Variants in MACROD2 observed in about 807,000 individuals in gnomAD.
MACROD2 encodes the protein ADP-ribose glycohydrolase MACROD2.
A neutral mutation model predicts 70.4 loss-of-function variants in MACROD2; 36 were observed. The ratio of observed to expected loss-of-function variants is 0.51; its 90% CI spans 0.39 to 0.68. The LOEUF (loss-of-function observed/expected upper bound fraction) is 0.68. Ranked by LOEUF, MACROD2 falls within the 30% of genes least tolerant of loss-of-function variation. The probability of loss-of-function intolerance (pLI) is 0.00; values close to 1 mark genes in which losing one functional copy is unlikely to be tolerated. For synonymous variants in MACROD2, 172 were observed against 178.8 expected (o/e 0.96, Z 0.30); for missense variants, 496 against 538.4 (o/e 0.92, Z 0.78).
At chr20:15,159,876 G>A (rs888342975) in intron 5 of MACROD2, among the ~76,000 whole-genome samples, 2 of 152,050 alleles carry the variant, frequency 1.3e-5, no homozygotes, top group African/African-American at 4.8e-5. Context: ...AGCGCAGTGG[G>A]AGAGGTTGGA....
At chr20:14,730,520 C>T (rs2071582442) in intron 5 of MACROD2, among the ~76,000 whole-genome samples, 1 of 152,128 alleles carries the variant, frequency 6.6e-6, no homozygotes, top group South Asian at 2.1e-4. Flanking sequence ...TCAAAATAGA[C>T]TTATAAACCC....
intron 8 of MACROD2, among the ~76,000 whole-genome samples, chr20:15,633,087 C>T (rs2049315300): frequency 6.6e-6 from 1 of 152,164 alleles, no homozygotes; most frequent in African/African-American, 2.4e-5. Flanking sequence ...GACTTAACCA[C>T]CCACCCTCCT....
chr20:14,605,899 T>A (rs536949542), intron 4 of MACROD2, among the ~76,000 whole-genome samples: 12 of 152,272 alleles, frequency 7.9e-5, no homozygotes, highest in African/African-American at 2.9e-4. Context: ...AAATGCAGAT[T>A]ATAATTGTAA....
chr20:15,501,332 G>A (rs2047362317), intron 8 of MACROD2, among the ~76,000 whole-genome samples: 1 of 152,196 alleles, frequency 6.6e-6, no homozygotes, highest in Admixed American at 6.5e-5. Context: ...AGTAATCCAA[G>A]GATATGCCCC....
chr20:14,086,420 G>T (rs980359050), intron 3 of MACROD2, among the ~76,000 whole-genome samples: 2 of 152,198 alleles, frequency 1.3e-5, no homozygotes, highest in African/African-American at 4.8e-5. Flanking sequence ...GTTTTGTAAA[G>T]TTAGGCTGTT....
In MACROD2 at chr20:14,811,761, G is replaced by A. The variant is rs938773571; in HGVS notation, c.418+126802G>A. The stretch of plus-strand genomic sequence containing the variant: ...AAAAAAACAACCCCATCAAAAAGTG[G>A]GCAAAGGATATGAATGGACACTTCT... On this transcript the variant is annotated intron_variant, in intron 5 of 17. Coordinates refer to ENST00000684519, the MANE Select transcript of MACROD2 (RefSeq NM_001351661.2). 1.3e-5 allele frequency among the ~76,000 whole-genome samples: 2 copies of A among 152,028 alleles called. 1 individual carries two copies. Among genetic ancestry groups the A allele is most frequent in the Non-Finnish European group, 2.9e-5 (2 of 67,998 alleles).
chr20:15,600,842 T>C (rs2048810129), intron 8 of MACROD2, among the ~76,000 whole-genome samples: 1 of 152,138 alleles, frequency 6.6e-6, no homozygotes, highest in African/African-American at 2.4e-5. Context: ...CAAAAATATA[T>C]ATATTATTGC....
At chr20:14,597,740 T>C (rs937303362) in intron 4 of MACROD2, among the ~76,000 whole-genome samples, 1 of 152,156 alleles carries the variant, frequency 6.6e-6, no homozygotes, top group Non-Finnish European at 1.5e-5. Flanking sequence ...TCCTTTTCCT[T>C]TTTTTGGTAA....
chr20:15,190,312 C>T (rs6135360), intron 5 of MACROD2, among the ~76,000 whole-genome samples: 63,085 of 151,890 alleles, frequency 0.42, 14,291 homozygotes, highest in East Asian at 0.75. Flanking sequence ...GGTGATAATA[C>T]AGTAGGTGCT....
At chr20:15,868,574 G>A (rs1016884122) in intron 9 of MACROD2, among the ~76,000 whole-genome samples, 1 of 144,510 alleles carries the variant, frequency 6.9e-6, no homozygotes, top group Non-Finnish European at 1.5e-5. Context: ...CCTTAAGCAA[G>A]TTTCATTGCT....
intron 7 of MACROD2, among the ~76,000 whole-genome samples, chr20:15,498,276 A>C (rs1241107513): frequency 6.6e-6 from 1 of 151,798 alleles, no homozygotes; most frequent in African/African-American, 2.4e-5. Flanking sequence ...CCTCTCACTC[A>C]TTTTTTTTCT....
At chr20:14,861,289 G>C (rs1449646653) in intron 5 of MACROD2, among the ~76,000 whole-genome samples, 1 of 152,048 alleles carries the variant, frequency 6.6e-6, no homozygotes, top group Non-Finnish European at 1.5e-5. Context: ...CTCGGAGGAA[G>C]GGCATCCTGC....
chr20:15,123,375 C>T (rs1035226089), intron 5 of MACROD2, among the ~76,000 whole-genome samples: 3 of 152,068 alleles, frequency 2.0e-5, no homozygotes, highest in African/African-American at 4.8e-5. Context: ...TATTTCTAGA[C>T]CTATTATGTT....
chr20:15,161,242 T>C (rs1367910389), intron 5 of MACROD2, among the ~76,000 whole-genome samples: 2 of 151,810 alleles, frequency 1.3e-5, no homozygotes, highest in African/African-American at 2.4e-5. Flanking sequence ...ATATGCTCAA[T>C]AAAAAAATCA....
intron 8 of MACROD2, among the ~76,000 whole-genome samples, chr20:15,718,092 G>A (rs1313767221): frequency 2.0e-5 from 3 of 148,802 alleles, no homozygotes; most frequent in South Asian, 2.1e-4. Context: ...ACGAATTTCC[G>A]GCCCCCAGGT....
At chr20:15,017,919 C>T (rs1160766814) in intron 5 of MACROD2, among the ~76,000 whole-genome samples, 1 of 152,216 alleles carries the variant, frequency 6.6e-6, no homozygotes, top group Non-Finnish European at 1.5e-5. Context: ...CTTTTTCCTC[C>T]TTGGCCTCTG....
chr20:14,698,489 A>G (rs2071153073), intron 5 of MACROD2, among the ~76,000 whole-genome samples: 1 of 152,008 alleles, frequency 6.6e-6, no homozygotes, highest in Non-Finnish European at 1.5e-5. Context: ...CAGTAAGATC[A>G]CCCCAACTAT....
At chr20:14,074,932 A>AATC (rs1179196124) in intron 2 of MACROD2, among the ~76,000 whole-genome samples, 2 of 152,310 alleles carry the variant, frequency 1.3e-5, no homozygotes, top group South Asian at 2.1e-4. Flanking sequence ...CTGGGAAGTG[A>AATC]ATCATCCTTT....
intron 8 of MACROD2, among the ~76,000 whole-genome samples, chr20:15,662,961 C>T (rs904581882): frequency 7.0e-6 from 1 of 142,896 alleles, no homozygotes; most frequent in Non-Finnish European, 1.5e-5. Flanking sequence ...AATAAGTCCT[C>T]GAATGTTTAC....
Sources: allele counts gnomAD v4.1 joint callset (sites outside exome capture counted in the v4.1 genomes callset), GRCh38; gene constraint gnomAD v4.1.1; transcripts MANE v1.5; gene names NCBI Gene and HGNC (gene_info 2026-07-23, HGNC 2026-07-21).